Variants in SMIM22 observed in about 807,000 individuals in gnomAD.
The protein encoded by SMIM22 is small integral membrane protein 22.
SMIM22 carries 16 observed loss-of-function variants against 8.4 expected under a neutral mutation model. The observed-to-expected ratio is 1.90, with a 90% CI of 1.29 to 2.89. The LOEUF (loss-of-function observed/expected upper bound fraction) is 2.89. Among genes scored for constraint, SMIM22 ranks in the 30% most tolerant of loss-of-function variants. SMIM22 has a pLI of 0.00. For missense variants in SMIM22, 159 were observed against 107.5 expected, an observed-to-expected ratio of 1.48 and a Z score of -2.12; for synonymous variants, 67 against 47.6, an observed-to-expected ratio of 1.41 and a Z score of -1.68.
chr16:4,791,477 A>T (rs1172835139), upstream of SMIM22, among the ~76,000 whole-genome samples: 1 of 152,094 alleles, frequency 6.6e-6, no homozygotes, highest in African/African-American at 2.4e-5. Flanking sequence ...CGACACTGGG[A>T]GGAGGTGGAT....
Position 4,796,389 on chromosome 16 carries a change from G to A in SMIM22, c.*158G>A, listed in dbSNP as rs2082645433. ...CTCCAAGCCTTCAGTCAGCACGACTGTGCCAGGTCATCCTCAGTCACCTAG... is the reference window on the plus strand; with the variant it reads ...CTCCAAGCCTTCAGTCAGCACGACTATGCCAGGTCATCCTCAGTCACCTAG... On this transcript the variant is annotated 3_prime_UTR_variant, in exon 4 of 4. Coordinates refer to ENST00000586005, the MANE Select transcript of SMIM22 (RefSeq NM_001253794.2). 1 of 822,186 alleles carries A rather than the reference G, an allele frequency of 1.2e-6. No homozygotes were observed. The highest frequency in any genetic ancestry group is 1.8e-5 in the South Asian group (1 of 56,300). The allele number at this position is 822,186 out of a possible 1,614,324, so 50.9% of individuals were successfully genotyped here. A position where few individuals can be genotyped will look rare whatever the true frequency, so the allele number is the denominator to read the frequency against.
In SMIM22 at chr16:4,796,027, C is replaced by T. The variant is rs1302070572; in HGVS notation, c.204C>T (p.Pro68=). Residue 68 remains proline (P), a synonymous_variant, in exon 3 of 4, where the codon CCC becomes CCT. Coordinates refer to ENST00000586005, the MANE Select transcript of SMIM22 (RefSeq NM_001253794.2). ...CSSPGPRRES[P]RKVSPWKERP... The stretch of plus-strand genomic sequence containing the variant: ...CCCCCGGGCCCCGCAGGGAAAGCCC[C>T]AGGAAGGTGAGCCCCTGGAAGGTGA... 2 of 1,526,090 alleles carry T rather than the reference C, an allele frequency of 1.3e-6. No homozygotes were observed. Among genetic ancestry groups the T allele is most frequent in the Non-Finnish European group, 1.8e-6 (2 of 1,141,200 alleles). 94.5% of individuals were successfully genotyped at this position (1,526,090 alleles called of 1,614,324 possible).
At chr16:4,795,511 G>T in intron 1 of SMIM22, 62 bp downstream of exon 1, 2 of 615,454 alleles carry the variant, frequency 3.2e-6, no homozygotes, top group East Asian at 3.1e-5. Flanking sequence ...ACAGTGGCTG[G>T]GGAGAAGGTT....
chr16:4,796,428 T>C lies in SMIM22; in HGVS notation c.*197T>C. ...TCAGTCACCTAGCTGGGAGGGGAGCTGGTCTCAGGCCGGGCGCGGTGGCTC... is the reference window on the plus strand; with the variant it reads ...TCAGTCACCTAGCTGGGAGGGGAGCCGGTCTCAGGCCGGGCGCGGTGGCTC... On this transcript the variant is annotated 3_prime_UTR_variant, in exon 4 of 4. Coordinates refer to ENST00000586005, the MANE Select transcript of SMIM22 (RefSeq NM_001253794.2). 1 of 663,666 alleles carries C rather than the reference T, an allele frequency of 1.5e-6. No homozygotes were observed. 41.1% of individuals were successfully genotyped at this position (663,666 alleles called of 1,614,324 possible). A position where few individuals can be genotyped will look rare whatever the true frequency, so the allele number is the denominator to read the frequency against.
chr16:4,789,033 G>GT (rs1567578521), intron 2 of SMIM22, among the ~76,000 whole-genome samples: 1 of 152,138 alleles, frequency 6.6e-6, no homozygotes, highest in Non-Finnish European at 1.5e-5. Flanking sequence ...TTTGTTGTTT[G>GT]TTTTTGAGAC....
chr16:4,790,558 G>C (rs983628591), upstream of SMIM22, among the ~76,000 whole-genome samples: 1 of 152,196 alleles, frequency 6.6e-6, no homozygotes, highest in Non-Finnish European at 1.5e-5. Context: ...AGGAGGCCAA[G>C]GTGGGCAGAT....
chr16:4,792,819 A>G (rs1420995811), upstream of SMIM22, among the ~76,000 whole-genome samples: 1 of 150,752 alleles, frequency 6.6e-6, no homozygotes, highest in Non-Finnish European at 1.5e-5. Flanking sequence ...AAAAAAAAAA[A>G]AAAAAAAAGG....
chr16:4,795,386 A>T lies in SMIM22; in HGVS notation c.-84A>T. On this transcript the variant is annotated 5_prime_UTR_variant, in exon 1 of 4. Coordinates refer to ENST00000586005, the MANE Select transcript of SMIM22 (RefSeq NM_001253794.2). The stretch of plus-strand genomic sequence containing the variant: ...AAGGCCTCAGGTGGTGTGGAGCCGG[A>T]AGCAGGAAGCAGCCTGTGCTCCCCA... 3.9e-6 allele frequency: 1 copy of T among 254,254 alleles called. No individual in the cohort carries two copies. The allele number at this position is 254,254 out of a possible 1,614,324, so 15.7% of individuals were successfully genotyped here. A position where few individuals can be genotyped will look rare whatever the true frequency, so the allele number is the denominator to read the frequency against.
chr16:4,795,865 G>A lies in SMIM22; in HGVS notation c.124+7G>A, dbSNP rs1309634148. ...GTTTTCCTCACCTTCATGGGTAAGTGTGGCTGTGGCCTCTGGGTCCTCCCA... is the reference window on the plus strand; with the variant it reads ...GTTTTCCTCACCTTCATGGGTAAGTATGGCTGTGGCCTCTGGGTCCTCCCA... On this transcript the variant is annotated splice_region_variant and intron_variant, in intron 2 of 3. Coordinates refer to ENST00000586005, the MANE Select transcript of SMIM22 (RefSeq NM_001253794.2). The A allele has an allele frequency of 2.0e-6, 3 of 1,535,606 alleles. No homozygotes were observed. The highest frequency in any genetic ancestry group is 1.4e-5 in the African/African-American group (1 of 73,010).
At chr16:4,796,118 G>A in intron 3 of SMIM22, 70 bp downstream of exon 3, 1 of 1,535,038 alleles carries the variant, frequency 6.5e-7, no homozygotes, top group East Asian at 2.4e-5. Flanking sequence ...TGAGGGGAGT[G>A]GCGGGAAGGG....
upstream of SMIM22, among the ~76,000 whole-genome samples, chr16:4,794,424 CT>C (rs535561223): frequency 3.3e-3 from 419 of 127,332 alleles, 1 homozygote; most frequent in Middle Eastern, 0.011. Context: ...GTATTTTTAT[CT>C]TTTTTTTTTT....
chr16:4,788,855 G>A (rs1036131411), intron 2 of SMIM22: 2 of 152,156 alleles, frequency 1.3e-5, no homozygotes, highest in Non-Finnish European at 2.9e-5. Context: ...CTGAGTCTGT[G>A]TGCTCACCCT....
rs1467376902 is a variant in SMIM22, at chr16:4,796,080, G to A, written c.225+32G>A. 18 of 1,535,114 alleles carry A rather than the reference G, an allele frequency of 1.2e-5. No individual in the cohort carries two copies. The South Asian group carries it at 2.1e-4, about 18-fold the overall frequency. On this transcript the variant is annotated intron_variant, in intron 3 of 3. Transcript: ENST00000586005. ...CCTGCCGGCCTCTGGGACCTGCACG[G>A]AACTGTACTGGGGGTGGAGGCGGAA...
upstream of SMIM22, among the ~76,000 whole-genome samples, chr16:4,793,983 G>A (rs995338614): frequency 2.7e-5 from 4 of 150,288 alleles, no homozygotes; most frequent in African/African-American, 7.4e-5. Context: ...TCACCCAGGC[G>A]GGTGTGCGGT....
upstream of SMIM22, among the ~76,000 whole-genome samples, chr16:4,791,354 G>A (rs951297010): frequency 1.3e-5 from 2 of 152,194 alleles, no homozygotes; most frequent in African/African-American, 4.8e-5. Flanking sequence ...AGCCTGGATG[G>A]AATCACACGT....
upstream of SMIM22, among the ~76,000 whole-genome samples, chr16:4,792,242 G>A (rs1233474014): frequency 6.6e-6 from 1 of 151,450 alleles, no homozygotes; most frequent in Admixed American, 6.6e-5. Context: ...CCAGGCTGGA[G>A]TGCAGTGGCG....
At chr16:4,790,192 G>A (rs530804889) in intron 2 of SMIM22, 1 of 152,150 alleles carries the variant, frequency 6.6e-6, no homozygotes, top group Non-Finnish European at 1.5e-5. Context: ...ACCACACTCA[G>A]GCTGGCAAGT....
upstream of SMIM22, among the ~76,000 whole-genome samples, chr16:4,792,807 C>CAAA (rs1247341963): frequency 2.1e-5 from 1 of 47,062 alleles, no homozygotes; most frequent in African/African-American, 8.1e-5. Context: ...GACTCCGTCT[C>CAAA]AAAAAAAAAA....
upstream of SMIM22, among the ~76,000 whole-genome samples, chr16:4,792,824 A>AG (rs1477880602): frequency 2.0e-5 from 3 of 149,286 alleles, no homozygotes; most frequent in South Asian, 2.1e-4. Flanking sequence ...AAAAAAAAAA[A>AG]AAAGGCCAAG....
Sources: allele counts gnomAD v4.1 joint callset (sites outside exome capture counted in the v4.1 genomes callset), GRCh38; gene constraint gnomAD v4.1.1; transcripts MANE v1.5; gene names NCBI Gene and HGNC (gene_info 2026-07-23, HGNC 2026-07-21).